Variants in OR13C8 observed in about 807,000 individuals in gnomAD.
OR13C8 encodes olfactory receptor 13C8.
For synonymous variants in OR13C8, 149 were observed against 143.6 expected (o/e 1.04, Z -0.27); for missense variants, 382 against 388.1 (o/e 0.98, Z 0.13).
rs561391168 is a variant in OR13C8 at position 104,569,508 on chromosome 9, T to A, written c.341T>A (p.Ile114Asn). ...SFAMGATECM[I>N]LGTMALDRYV... ...GCCATGGGGGCCACGGAGTGCATGATCTTAGGCACGATGGCACTGGACCGC... is the reference window on the plus strand; with the variant it reads ...GCCATGGGGGCCACGGAGTGCATGAACTTAGGCACGATGGCACTGGACCGC... Residue 114 changes from isoleucine to asparagine, a missense_variant, in exon 1 of 1, where the codon ATC becomes AAC. Physicochemically the swap from Ile to Asn is moderately radical, Grantham distance 149. Coordinates refer to ENST00000335040, the MANE Select transcript of OR13C8 (RefSeq NM_001004483.1). The A allele has an allele frequency of 6.2e-7, 1 of 1,614,200 alleles. No homozygotes were observed. The highest frequency in any genetic ancestry group is 1.1e-5 in the South Asian group (1 of 91,084).
Position 104,569,789 on chromosome 9 carries a change from G to T in OR13C8, c.622G>T (p.Val208Phe). The T allele has an allele frequency of 2.5e-6, 4 of 1,614,092 alleles. No homozygotes were observed. Among genetic ancestry groups the T allele is most frequent in the Non-Finnish European group, 3.4e-6 (4 of 1,180,004 alleles). The change falls in exon 1 of 1, where the codon GTT becomes TTT. Residue 208 changes from valine to phenylalanine, a missense_variant. By Grantham distance (50) the Val-to-Phe change is conservative. Coordinates refer to ENST00000335040, the MANE Select transcript of OR13C8 (RefSeq NM_001004483.1). ...GACAGGGTCGAATCTGATTGTTCTGGTTATTCCATTGTTAGTAATTTCCAT... is the reference window on the plus strand; with the variant it reads ...GACAGGGTCGAATCTGATTGTTCTGTTTATTCCATTGTTAGTAATTTCCAT... Reference protein sequence around the residue: ...SMTGSNLIVLVIPLLVISISY... With the variant: ...SMTGSNLIVLFIPLLVISISY...
chr9:104,569,491 G>T lies in OR13C8; in HGVS notation c.324G>T (p.Gly108=). The T allele has an allele frequency of 6.2e-7, 1 of 1,614,140 alleles. No homozygotes were observed. Among genetic ancestry groups the T allele is most frequent in the South Asian group, 1.1e-5 (1 of 91,080 alleles). Residue 108 remains glycine, a synonymous_variant, in exon 1 of 1, where the codon GGG becomes GGT. Coordinates refer to ENST00000335040, the MANE Select transcript of OR13C8 (RefSeq NM_001004483.1). ...MVQMFISFAM[G]ATECMILGTM... is the part of the protein sequence containing the mutation. ...AAATGTTTATTTCTTTTGCCATGGGGGCCACGGAGTGCATGATCTTAGGCA... is the reference window on the plus strand; with the variant it reads ...AAATGTTTATTTCTTTTGCCATGGGTGCCACGGAGTGCATGATCTTAGGCA...
In OR13C8 at chr9:104,569,522, G is replaced by T; in HGVS notation, c.355G>T (p.Ala119Ser). The change falls in exon 1 of 1, where the codon GCA (alanine) becomes TCA (serine). Residue 119 changes from alanine (A) to serine (S), a missense_variant. Coordinates refer to ENST00000335040, the MANE Select transcript of OR13C8 (RefSeq NM_001004483.1). ...ATECMILGTM[A>S]LDRYVAICYP... ...GGAGTGCATGATCTTAGGCACGATG[G>T]CACTGGACCGCTATGTGGCCATCTG... is the stretch of plus-strand genomic sequence containing the variant. 1 of 1,614,138 alleles carries T rather than the reference G, an allele frequency of 6.2e-7. No homozygotes were observed. The highest frequency in any genetic ancestry group is 8.5e-7 in the Non-Finnish European group (1 of 1,180,034).
In OR13C8 at chr9:104,569,223, C is replaced by A. The variant is rs7026705; in HGVS notation, c.56C>A (p.Ala19Asp). 0.48 allele frequency: 769,191 copies of A among 1,613,376 alleles called. 192,323 individuals are homozygous for A. The highest frequency in any genetic ancestry group is 0.95 in the East Asian group (42,672 of 44,864). The change falls in exon 1 of 1, where the codon GCC becomes GAC. Residue 19 changes from alanine to aspartate, a missense_variant. Ala to Asp is a moderately radical substitution (Grantham distance 126). Transcript: ENST00000335040. ...GAATTTTTCCTGGTAGGGCTTTCTG[C>A]CCACCCAAAGCTCCAGACAGTTTTC... The part of the protein sequence containing the change: ...STEFFLVGLS[A>D]HPKLQTVFFV...
Position 104,569,508 on chromosome 9 carries a change from T to C in OR13C8, c.341T>C (p.Ile114Thr). ...SFAMGATECM[I>T]LGTMALDRYV... ...GCCATGGGGGCCACGGAGTGCATGATCTTAGGCACGATGGCACTGGACCGC... is the reference window on the plus strand; with the variant it reads ...GCCATGGGGGCCACGGAGTGCATGACCTTAGGCACGATGGCACTGGACCGC... Residue 114 changes from isoleucine to threonine, a missense_variant, in exon 1 of 1, where the codon ATC (isoleucine) becomes ACC (threonine). By Grantham distance (89) the Ile-to-Thr change is moderately conservative. Coordinates refer to ENST00000335040, the MANE Select transcript of OR13C8 (RefSeq NM_001004483.1). 6.2e-7 allele frequency: 1 copy of C among 1,614,200 alleles called. No homozygotes were observed. Among genetic ancestry groups the C allele is most frequent in the Non-Finnish European group, 8.5e-7 (1 of 1,180,038 alleles).
chr9:104,569,559 G>C lies in OR13C8; in HGVS notation c.392G>C (p.Arg131Thr), dbSNP rs760765666. 5.0e-6 allele frequency: 8 copies of C among 1,614,112 alleles called. No individual in the cohort carries two copies. Among genetic ancestry groups the C allele is most frequent in the Non-Finnish European group, 6.8e-6 (8 of 1,180,040 alleles). Residue 131 changes from arginine (R) to threonine (T), a missense_variant, in exon 1 of 1, where the codon AGA (arginine) becomes ACA (threonine). Physicochemically the swap from Arg to Thr is moderately conservative, Grantham distance 71. Coordinates refer to ENST00000335040, the MANE Select transcript of OR13C8 (RefSeq NM_001004483.1). ...DRYVAICYPL[R>T]YPVIMSKGAY... ...TATGTGGCCATCTGCTACCCACTGA[G>C]ATACCCTGTCATCATGAGCAAGGGT...
In OR13C8 at chr9:104,569,861, G is replaced by T. The variant is rs778948119; in HGVS notation, c.694G>T (p.Glu232Ter). 5 of 1,614,014 alleles carry T rather than the reference G, an allele frequency of 3.1e-6. No individual in the cohort carries two copies. The highest frequency in any genetic ancestry group is 1.7e-5 in the Admixed American group (1 of 59,992). ...CACTATTCTGAGGATTCCTTCCACT[G>T]AAGGAAAACATAAGGCCTTCTCCAC... ...VATILRIPST[E>*]GKHKAFSTCS... The change falls in exon 1 of 1, where the codon GAA (glutamate) becomes TAA (stop). Residue 232 changes from glutamate (E) to a stop codon, truncating the protein, a stop_gained. Coordinates refer to ENST00000335040, the MANE Select transcript of OR13C8 (RefSeq NM_001004483.1). LOFTEE classifies it high-confidence loss of function.
chr9:104,570,062 C>T lies in OR13C8; in HGVS notation c.895C>T (p.Arg299Ter), dbSNP rs201484830. The T allele has an allele frequency of 2.9e-5, 47 of 1,612,952 alleles. No individual in the cohort carries two copies. The highest frequency in any genetic ancestry group is 3.5e-5 in the Non-Finnish European group (41 of 1,179,422). ...PMLNPLIYSL[R>*]NKDVKAAVKN... The stretch of plus-strand genomic sequence containing the variant: ...GCTTAATCCTCTCATCTATAGTCTG[C>T]GAAACAAGGATGTAAAGGCTGCTGT... The change falls in exon 1 of 1, where the codon CGA becomes TGA. Residue 299 changes from arginine (R) to a stop codon, truncating the protein, a stop_gained. Transcript: ENST00000335040. LOFTEE classifies it high-confidence loss of function.
rs1343107309 is a variant in OR13C8, at chr9:104,569,307, C to A, written c.140C>A (p.Ser47Ter). 1 of 1,614,162 alleles carries A rather than the reference C, an allele frequency of 6.2e-7. No homozygotes were observed. The highest frequency in any genetic ancestry group is 1.7e-5 in the Admixed American group (1 of 60,024). The stretch of plus-strand genomic sequence containing the variant: ...CTGCTTGGAAATGGAGTCCTTATCT[C>A]AGTTATCATCTTTGATTCTCACCTG... The part of the protein sequence containing the change: ...MILLGNGVLI[S>*]VIIFDSHLHT... Residue 47 changes from serine (S) to a stop codon, truncating the protein, a stop_gained, in exon 1 of 1, where the codon TCA (serine) becomes TAA (stop). Coordinates refer to ENST00000335040, the MANE Select transcript of OR13C8 (RefSeq NM_001004483.1). LOFTEE classifies it low-confidence loss of function (END_TRUNC).
Position 104,569,378 on chromosome 9 carries a change from G to A in OR13C8, c.211G>A (p.Val71Ile), listed in dbSNP as rs771734811. ...FFLCNLSFLDVCYTSSSVPLI... is the reference protein window; with the variant it reads ...FFLCNLSFLDICYTSSSVPLI... ...CCTCTGTAATCTTTCCTTCCTCGAC[G>A]TTTGCTACACAAGTTCCTCTGTCCC... The change falls in exon 1 of 1, where the codon GTT becomes ATT. Residue 71 changes from valine (V) to isoleucine (I), a missense_variant. Transcript: ENST00000335040. 1.9e-6 allele frequency: 3 copies of A among 1,614,110 alleles called. No individual in the cohort carries two copies. In the Admixed American group the frequency reaches 5.0e-5, roughly 27 times the overall value.
In OR13C8 at chr9:104,569,853, C is replaced by T; in HGVS notation, c.686C>T (p.Pro229Leu). Residue 229 changes from proline (P) to leucine (L), a missense_variant, in exon 1 of 1, where the codon CCT becomes CTT. Pro to Leu is a moderately conservative substitution (Grantham distance 98, BLOSUM62 -3). Coordinates refer to ENST00000335040, the MANE Select transcript of OR13C8 (RefSeq NM_001004483.1). The stretch of plus-strand genomic sequence containing the variant: ...ATTGTTGCCACTATTCTGAGGATTC[C>T]TTCCACTGAAGGAAAACATAAGGCC... ...IFIVATILRI[P>L]STEGKHKAFS... 1.9e-6 allele frequency: 3 copies of T among 1,614,100 alleles called. No homozygotes were observed. The highest frequency in any genetic ancestry group is 2.5e-6 in the Non-Finnish European group (3 of 1,180,006).
In OR13C8 at chr9:104,569,190, C is replaced by T. The variant is rs752507265; in HGVS notation, c.23C>T (p.Thr8Met). The change falls in exon 1 of 1, where the codon ACG becomes ATG. Residue 8 changes from threonine to methionine, a missense_variant. Transcript: ENST00000335040. MERTNDS[T>M]STEFFLVGLS... The stretch of plus-strand genomic sequence containing the variant: ...AATATGGAAAGGACCAACGATTCCA[C>T]GTCGACAGAATTTTTCCTGGTAGGG... 27 of 1,613,124 alleles carry T rather than the reference C, an allele frequency of 1.7e-5. No individual in the cohort carries two copies. The highest frequency in any genetic ancestry group is 4.5e-5 in the East Asian group (2 of 44,896).
Position 104,569,727 on chromosome 9 carries a change from T to C in OR13C8, c.560T>C (p.Leu187Pro), listed in dbSNP as rs188749311. The change falls in exon 1 of 1, where the codon CTG (leucine) becomes CCG (proline). Residue 187 changes from leucine to proline, a missense_variant. Transcript: ENST00000335040. ...FVCEILAILK[L>P]ACADISINVI... The stretch of plus-strand genomic sequence containing the variant: ...TGTGAAATTCTGGCTATCTTGAAAC[T>C]GGCCTGTGCTGATATTTCAATCAAT... 3.1e-6 allele frequency: 5 copies of C among 1,614,214 alleles called. No homozygotes were observed. Among genetic ancestry groups the C allele is most frequent in the African/African-American group, 1.3e-5 (1 of 75,066 alleles).
Position 104,569,389 on chromosome 9 carries a change from A to G in OR13C8, c.222A>G (p.Thr74=), listed in dbSNP as rs1301330515. 5.6e-6 allele frequency: 9 copies of G among 1,614,078 alleles called. No individual in the cohort carries two copies. The highest frequency in any genetic ancestry group is 7.6e-6 in the Non-Finnish European group (9 of 1,180,042). The part of the protein sequence containing the change: ...CNLSFLDVCY[T]SSSVPLILAS... ...TTTCCTTCCTCGACGTTTGCTACAC[A>G]AGTTCCTCTGTCCCACTAATTCTTG... The change falls in exon 1 of 1, where the codon ACA becomes ACG. Residue 74 remains threonine, a synonymous_variant. Transcript: ENST00000335040.
Position 104,569,449 on chromosome 9 carries a change from C to T in OR13C8, c.282C>T (p.Phe94=), listed in dbSNP as rs1162020703. The T allele has an allele frequency of 6.2e-7, 1 of 1,614,194 alleles. No individual in the cohort carries two copies. The highest frequency in any genetic ancestry group is 1.1e-5 in the South Asian group (1 of 91,086). ...TGGCAGTAAAGAAAAAGGTTTCCTT[C>T]TCTGGGTGTATGGTGCAAATGTTTA... is the stretch of plus-strand genomic sequence containing the variant. The part of the protein sequence containing the change: ...SFLAVKKKVS[F]SGCMVQMFIS... The change falls in exon 1 of 1, where the codon TTC becomes TTT. Residue 94 remains phenylalanine (F), a synonymous_variant. Transcript: ENST00000335040.
Position 104,569,641 on chromosome 9 carries a change from G to A in OR13C8, c.474G>A (p.Val158=), listed in dbSNP as rs1249968151. Residue 158 remains valine (V), a synonymous_variant, in exon 1 of 1, where the codon GTG becomes GTA. Transcript: ENST00000335040. The stretch of plus-strand genomic sequence containing the variant: ...TCACTGGGCTTGTGGACTCAGTAGT[G>A]CAGACAGCTTTTGCAATGCAGTTAC... ...SWVTGLVDSV[V]QTAFAMQLPF... 6.2e-7 allele frequency: 1 copy of A among 1,614,006 alleles called. No homozygotes were observed. Among genetic ancestry groups the A allele is most frequent in the Non-Finnish European group, 8.5e-7 (1 of 1,180,034 alleles).
chr9:104,569,873 A>G lies in OR13C8; in HGVS notation c.706A>G (p.Lys236Glu). The G allele has an allele frequency of 6.2e-7, 1 of 1,614,178 alleles. No individual in the cohort carries two copies. Among genetic ancestry groups the G allele is most frequent in the Non-Finnish European group, 8.5e-7 (1 of 1,180,024 alleles). ...LRIPSTEGKH[K>E]AFSTCSAHLT... ...GATTCCTTCCACTGAAGGAAAACAT[A>G]AGGCCTTCTCCACCTGCTCAGCCCA... Residue 236 changes from lysine (K) to glutamate (E), a missense_variant, in exon 1 of 1, where the codon AAG (lysine) becomes GAG (glutamate). Physicochemically the swap from Lys to Glu is moderately conservative, Grantham distance 56. Transcript: ENST00000335040.
chr9:104,569,367 C>G lies in OR13C8; in HGVS notation c.200C>G (p.Ser67Cys). 6.2e-7 allele frequency: 1 copy of G among 1,614,218 alleles called. No individual in the cohort carries two copies. The highest frequency in any genetic ancestry group is 8.5e-7 in the Non-Finnish European group (1 of 1,180,030). Residue 67 changes from serine to cysteine, a missense_variant, in exon 1 of 1, where the codon TCC becomes TGC. Transcript: ENST00000335040. The part of the protein sequence containing the change: ...TPMYFFLCNL[S>C]FLDVCYTSSS... Reference sequence around the variant, plus strand: ...ATGTATTTCTTCCTCTGTAATCTTTCCTTCCTCGACGTTTGCTACACAAGT... The same window carrying G: ...ATGTATTTCTTCCTCTGTAATCTTTGCTTCCTCGACGTTTGCTACACAAGT...
In OR13C8 at chr9:104,569,835, C is replaced by A. The variant is rs755550569; in HGVS notation, c.668C>A (p.Ala223Asp). The A allele has an allele frequency of 6.2e-7, 1 of 1,613,928 alleles. No homozygotes were observed. Among genetic ancestry groups the A allele is most frequent in the Admixed American group, 1.7e-5 (1 of 59,998 alleles). Reference sequence around the variant, plus strand: ...TCCATCTCTTACATATTTATTGTTGCCACTATTCTGAGGATTCCTTCCACT... The same window carrying A: ...TCCATCTCTTACATATTTATTGTTGACACTATTCTGAGGATTCCTTCCACT... ...VISISYIFIV[A>D]TILRIPSTEG... The change falls in exon 1 of 1, where the codon GCC becomes GAC. Residue 223 changes from alanine to aspartate, a missense_variant. Ala to Asp is a moderately radical substitution (Grantham distance 126, BLOSUM62 -2). Coordinates refer to ENST00000335040, the MANE Select transcript of OR13C8 (RefSeq NM_001004483.1).
Sources: allele counts gnomAD v4.1 joint callset, GRCh38; gene constraint gnomAD v4.1.1; transcripts MANE v1.5; gene names NCBI Gene and HGNC (gene_info 2026-07-23, HGNC 2026-07-21).